Variants in RARB observed in about 807,000 individuals in gnomAD.
RARB encodes retinoic acid receptor beta.
In RARB, 17 loss-of-function variants were observed where a neutral mutation model predicts 51.9. The ratio of observed to expected loss-of-function variants is 0.33; its 90% CI spans 0.22 to 0.49. RARB has a LOEUF of 0.49. Among genes scored for constraint, RARB ranks in the 20% least tolerant of loss-of-function variants. The pLI is 0.99. For synonymous variants in RARB, 215 were observed against 195.4 expected (o/e 1.10, Z -0.84); for missense variants, 369 against 550.8 (o/e 0.67, Z 3.30).
chr3:24,993,357 G>T (rs551837417), intron 2 of RARB, among the ~76,000 whole-genome samples: 3 of 152,008 alleles, frequency 2.0e-5, no homozygotes, highest in African/African-American at 7.2e-5. Flanking sequence ...TGTAAACAGC[G>T]TGGACAAAAT....
chr3:25,587,161 G>T (rs764271139), intron 5 of RARB, among the ~76,000 whole-genome samples: 16 of 152,220 alleles, frequency 1.1e-4, no homozygotes, highest in African/African-American at 3.9e-4. Flanking sequence ...CTGGAATAAA[G>T]AATTGAGTTA....
At chr3:24,963,575 A>G (rs1173312337) in intron 2 of RARB, among the ~76,000 whole-genome samples, 2 of 151,696 alleles carry the variant, frequency 1.3e-5, no homozygotes, top group East Asian at 3.9e-4. Flanking sequence ...TTTTAGAACT[A>G]AATTCTCCAA....
intron 5 of RARB, among the ~76,000 whole-genome samples, chr3:25,189,415 G>A (rs1181815817): frequency 6.6e-6 from 1 of 152,096 alleles, no homozygotes; most frequent in African/African-American, 2.4e-5. Flanking sequence ...ATACTCCCTT[G>A]ACAAGGACCT....
At chr3:25,054,637 G>T (rs1270325599) in intron 2 of RARB, among the ~76,000 whole-genome samples, 1 of 152,156 alleles carries the variant, frequency 6.6e-6, no homozygotes, top group Non-Finnish European at 1.5e-5. Context: ...AGGGGGAGCA[G>T]GAGAAACCTG....
At chr3:25,159,625 A>G (rs1463524391) in intron 4 of RARB, among the ~76,000 whole-genome samples, 2 of 152,154 alleles carry the variant, frequency 1.3e-5, no homozygotes, top group Non-Finnish European at 2.9e-5. Flanking sequence ...ACATGGCTTC[A>G]TTCAGATGAA....
chr3:25,580,768 G>A (rs770986192), intron 5 of RARB, 46 bp downstream of exon 5: 3 of 1,520,490 alleles, frequency 2.0e-6, no homozygotes, highest in African/African-American at 2.7e-5. Context: ...AGGGAGAGAG[G>A]GCACCGTGGA....
At chr3:25,245,270 G>C (rs1702531270) in intron 5 of RARB, among the ~76,000 whole-genome samples, 1 of 152,100 alleles carries the variant, frequency 6.6e-6, no homozygotes, top group African/African-American at 2.4e-5. Context: ...TTGCCAATTT[G>C]TGCCTTTTAA....
chr3:25,315,777 C>A (rs1219635687), intron 5 of RARB, among the ~76,000 whole-genome samples: 1 of 133,084 alleles, frequency 7.5e-6, no homozygotes, highest in East Asian at 2.0e-4. Context: ...CCACACTCAG[C>A]TAATTTTTTT....
chr3:25,407,759 T>C (rs368731781), intron 5 of RARB, among the ~76,000 whole-genome samples: 1 of 5,180 alleles, frequency 1.9e-4, no homozygotes, highest in Non-Finnish European at 3.5e-4. Context: ...GCATGAAGGC[T>C]TTTTTTTTTT....
intron 2 of RARB, among the ~76,000 whole-genome samples, chr3:25,040,212 A>G (rs943282047): frequency 2.0e-5 from 3 of 152,178 alleles, no homozygotes; most frequent in African/African-American, 7.2e-5. Context: ...TTTAGTTTGT[A>G]TGTTTCTATA....
At chr3:24,986,872 A>G (rs1477874698) in intron 2 of RARB, among the ~76,000 whole-genome samples, 3 of 152,198 alleles carry the variant, frequency 2.0e-5, no homozygotes, top group East Asian at 1.9e-4. Context: ...GAACCTCAAC[A>G]GTTTTACCTC....
At chr3:25,418,239 C>T (rs1186076285) in intron 5 of RARB, among the ~76,000 whole-genome samples, 6 of 152,060 alleles carry the variant, frequency 3.9e-5, no homozygotes, top group African/African-American at 1.4e-4. Flanking sequence ...GAGAAGGGTC[C>T]TGGAATTAAG....
chr3:25,494,001 T>A (rs1696879075), intron 2 of RARB, among the ~76,000 whole-genome samples: 1 of 152,192 alleles, frequency 6.6e-6, no homozygotes, highest in Non-Finnish European at 1.5e-5. Flanking sequence ...TGGGCTACAT[T>A]CCTGCCTAGA....
intron 5 of RARB, among the ~76,000 whole-genome samples, chr3:25,248,044 T>C (rs952141216): frequency 5.9e-5 from 9 of 152,212 alleles, no homozygotes; most frequent in Non-Finnish European, 4.4e-5. Context: ...GTTTTATGTA[T>C]CTGGATGCTC....
At chr3:25,271,541 C>A (rs1187199742) in intron 5 of RARB, among the ~76,000 whole-genome samples, 3 of 152,166 alleles carry the variant, frequency 2.0e-5, no homozygotes, top group Admixed American at 6.5e-5. Context: ...ATACAACTAA[C>A]TTTCTTTTGG....
At chr3:25,280,434 T>C (rs971166663) in intron 5 of RARB, among the ~76,000 whole-genome samples, 2 of 152,160 alleles carry the variant, frequency 1.3e-5, no homozygotes, top group South Asian at 4.1e-4. Context: ...TGGGGTAGCA[T>C]GTCCTGAACC....
chr3:24,994,074 C>A (rs748022621), intron 2 of RARB, among the ~76,000 whole-genome samples: 15 of 152,104 alleles, frequency 9.9e-5, no homozygotes, highest in Admixed American at 1.3e-4. Flanking sequence ...TATTGAGGAA[C>A]CTCCATATGG....
intron 2 of RARB, among the ~76,000 whole-genome samples, chr3:24,867,437 G>A (rs558984784): frequency 6.6e-6 from 1 of 152,262 alleles, no homozygotes; most frequent in Admixed American, 6.5e-5. Context: ...CCTAGGAAAA[G>A]CTTGAGGGAG....
chr3:25,204,123 C>A lies in RARB; in HGVS notation c.178+29548C>A, dbSNP rs188172419. On this transcript the variant is annotated intron_variant, in intron 5 of 11. Coordinates refer to the RARB transcript ENST00000383772. ...TCCCATATTTCTTGGAGGCTTTGTT[C>A]ATTTCTTTTTACTCTTTTTTCTCTA... 3.4e-3 allele frequency among the ~76,000 whole-genome samples: 515 copies of A among 152,210 alleles called. 8 individuals are homozygous for A. The highest frequency in any genetic ancestry group is 3.2e-4 in the Non-Finnish European group (22 of 68,006).
Sources: allele counts gnomAD v4.1 joint callset (sites outside exome capture counted in the v4.1 genomes callset), GRCh38; gene constraint gnomAD v4.1.1; transcripts MANE v1.5; gene names NCBI Gene and HGNC (gene_info 2026-07-23, HGNC 2026-07-21).